Variants in CEP152 observed in about 807,000 individuals in gnomAD.
CEP152 encodes the protein centrosomal protein 152.
A neutral mutation model predicts 188.9 loss-of-function variants in CEP152; 132 were observed. The observed-to-expected ratio is 0.70, with a 90% CI of 0.61 to 0.81. The LOEUF is 0.81. Among genes scored for constraint, CEP152 ranks in the 30% least tolerant of loss-of-function variants. The pLI is 0.00. For missense variants in CEP152, 1,914 were observed against 1,969.8 expected (o/e 0.97, Z 0.54); for synonymous variants, 649 against 666.6 (o/e 0.97, Z 0.41).
chr15:48,767,241 C>G lies in CEP152; in HGVS notation c.2148-49G>C, dbSNP rs749846289. 3.1e-6 allele frequency: 5 copies of G among 1,613,768 alleles called. No individual in the cohort carries two copies. In the South Asian group the frequency reaches 5.5e-5, roughly 18 times the overall value. ...TAAATGATTTAACCACAAAAAAATACAAGAGCTGCATAACAAACAATTTTC... is the reference window on the plus strand; with the variant it reads ...TAAATGATTTAACCACAAAAAAATAGAAGAGCTGCATAACAAACAATTTTC... On this transcript the variant is annotated intron_variant, in intron 16 of 26. Transcript: ENST00000380950.
Position 48,767,078 on chromosome 15 carries a change from C to T in CEP152, c.2262G>A (p.Glu754=), listed in dbSNP as rs149176738. The change falls in exon 17 of 27, where the codon GAG becomes GAA. Residue 754 remains glutamate, a synonymous_variant. Transcript: ENST00000380950. ...ELTLRKTTEK[E]QQTQEKIKEK... ...ACTGTACCTTCTCCTGAGTCTGTTGCTCCTTTTCAGTGGTCTTCCTGAGAG... is the reference window on the plus strand; with the variant it reads ...ACTGTACCTTCTCCTGAGTCTGTTGTTCCTTTTCAGTGGTCTTCCTGAGAG... The T allele has an allele frequency of 2.3e-3, 3,788 of 1,613,152 alleles. 7 individuals are homozygous for T. The highest frequency in any genetic ancestry group is 2.7e-3 in the Non-Finnish European group (3,220 of 1,179,982).
rs1288072211 is a variant in CEP152 at position 48,756,208 on chromosome 15, T to A, written c.3040A>T (p.Thr1014Ser). Residue 1014 changes from threonine to serine, a missense_variant, in exon 20 of 27, where the codon ACA becomes TCA. Thr to Ser is a moderately conservative substitution (Grantham distance 58, BLOSUM62 1). Coordinates refer to ENST00000380950, the MANE Select transcript of CEP152 (RefSeq NM_001194998.2). ...TGGTCTAGACAAGTTTGTAATTCTG[T>A]CTCCTTCTGAAGAAGTAGTTCAGTT... ...QKTELLLQKE[T>S]ELQTCLDQSR... The A allele has an allele frequency of 3.1e-6, 5 of 1,613,518 alleles. No individual in the cohort carries two copies. The highest frequency in any genetic ancestry group is 1.3e-5 in the African/African-American group (1 of 74,920).
At chr15:48,791,471 ATGT>A (rs1252377784) in intron 7 of CEP152, 95 bp from the exon 8 acceptor site, 2 of 1,071,772 alleles carry the variant, frequency 1.9e-6, no homozygotes, top group African/African-American at 3.2e-5. Flanking sequence ...TCATATATAA[ATGT>A]TGTTGAATTA....
chr15:48,798,092 C>T, intron 2 of CEP152, 41 bp from the exon 3 acceptor site: 1 of 1,531,038 alleles, frequency 6.5e-7, no homozygotes, highest in Non-Finnish European at 9.0e-7. Context: ...CCAACTTAAA[C>T]ACAAGACACC....
Position 48,795,656 on chromosome 15 carries a change from C to T in CEP152, c.691+354G>A, listed in dbSNP as rs189635126. 1.4e-3 allele frequency among the ~76,000 whole-genome samples: 219 copies of T among 152,152 alleles called. 1 individual carries two copies. Among genetic ancestry groups the T allele is most frequent in the African/African-American group, 4.6e-3 (192 of 41,524 alleles). On this transcript the variant is annotated intron_variant, in intron 6 of 26. Coordinates refer to ENST00000380950, the MANE Select transcript of CEP152 (RefSeq NM_001194998.2). ...AAAAATGTCTTTTAACTTTTCATTA[C>T]GAAAAATTTCAAATATATAAGAAAG...
chr15:48,774,457 G>A (rs1895754160), intron 12 of CEP152, among the ~76,000 whole-genome samples: 1 of 152,162 alleles, frequency 6.6e-6, no homozygotes, highest in African/African-American at 2.4e-5. Flanking sequence ...AAAAGAGAGT[G>A]TAGGAAGACT....
rs188101277 is a variant in CEP152, at chr15:48,797,497, C to T, written c.344G>A (p.Arg115Gln). 6,405 of 1,614,096 alleles carry T rather than the reference C, an allele frequency of 4.0e-3. 22 individuals are homozygous for T. The highest frequency in any genetic ancestry group is 4.7e-3 in the Non-Finnish European group (5,521 of 1,179,962). The change falls in exon 5 of 27, where the codon CGA becomes CAA. Residue 115 changes from arginine to glutamine, a missense_variant. Arg to Gln is a conservative substitution (Grantham distance 43). Coordinates refer to ENST00000380950, the MANE Select transcript of CEP152 (RefSeq NM_001194998.2). ...TTCTTCAGGATGGTACACAGGATGT[C>T]GGTCTTCAGTTTTACTTCTATTTTC... The part of the protein sequence containing the change: ...WEENRSKTED[R>Q]HPVYHPEEGG...
At chr15:48,759,597 C>T (rs1203533119) in intron 19 of CEP152, among the ~76,000 whole-genome samples, 1 of 152,084 alleles carries the variant, frequency 6.6e-6, no homozygotes, top group Non-Finnish European at 1.5e-5. Flanking sequence ...TTTTATTTTT[C>T]CAAAAACATT....
chr15:48,757,856 G>A (rs1042571174), intron 19 of CEP152, among the ~76,000 whole-genome samples: 16 of 152,190 alleles, frequency 1.1e-4, no homozygotes, highest in Admixed American at 4.6e-4. Context: ...GAGAAAACAG[G>A]TCATGTTGCA....
rs1172372114 is a variant in CEP152 at position 48,745,638 on chromosome 15, C to T, written c.3635-646G>A. 2.0e-5 allele frequency among the ~76,000 whole-genome samples: 3 copies of T among 151,936 alleles called. No individual in the cohort carries two copies. In the East Asian group the frequency reaches 5.8e-4, roughly 29 times the overall value. ...GGGGGTGGATCTCACAAAGTACATT[C>T]TCAAGGGTGGGGAGAGTTACAAAGA... On this transcript the variant is annotated intron_variant, in intron 22 of 26. Transcript: ENST00000380950.
chr15:48,735,603 C>T (rs572922401), downstream of CEP152, among the ~76,000 whole-genome samples: 25 of 152,234 alleles, frequency 1.6e-4, no homozygotes, highest in Admixed American at 5.9e-4. Context: ...GGCATGGCGG[C>T]ACACGCCTGT....
chr15:48,743,256 C>T (rs1486675264), intron 24 of CEP152, among the ~76,000 whole-genome samples: 1 of 152,092 alleles, frequency 6.6e-6, no homozygotes, highest in Non-Finnish European at 1.5e-5. Flanking sequence ...CTGAATCTAC[C>T]AATTATATTT....
chr15:48,752,342 C>G lies in CEP152; in HGVS notation c.3466+7G>C, dbSNP rs770450065. 9.5e-5 allele frequency: 154 copies of G among 1,613,878 alleles called. No homozygotes were observed. Among genetic ancestry groups the G allele is most frequent in the Non-Finnish European group, 1.2e-4 (146 of 1,179,996 alleles). On this transcript the variant is annotated splice_region_variant and intron_variant, in intron 21 of 26. Transcript: ENST00000380950. ...TACAAAGACTGGTGGGAACAAAATC[C>G]AATTACCAGCTTCTGCTTCTGTTGC...
chr15:48,797,163 G>T, intron 5 of CEP152, 138 bp downstream of exon 5: 1 of 917,714 alleles, frequency 1.1e-6, no homozygotes, highest in Non-Finnish European at 1.7e-6. Flanking sequence ...CCATGAACCT[G>T]AATAAGTGCC....
chr15:48,763,312 C>G (rs1000265727), intron 17 of CEP152, among the ~76,000 whole-genome samples: 4 of 152,198 alleles, frequency 2.6e-5, no homozygotes, highest in Non-Finnish European at 5.9e-5. Context: ...ACCTGGGTAT[C>G]TGAAGTTCTC....
chr15:48,800,192 C>A (rs1278827198), intron 2 of CEP152, among the ~76,000 whole-genome samples: 1 of 152,130 alleles, frequency 6.6e-6, no homozygotes, highest in African/African-American at 2.4e-5. Context: ...CTTCTGGATA[C>A]ATACATAAAC....
intron 26 of CEP152, among the ~76,000 whole-genome samples, chr15:48,740,100 T>C (rs1892845505): frequency 1.3e-5 from 2 of 152,214 alleles, no homozygotes; most frequent in Admixed American, 1.3e-4. Flanking sequence ...CTCAGTGTGA[T>C]TGGGAATTTA....
intron 5 of CEP152, 120 bp from the exon 6 acceptor site, chr15:48,796,280 T>G: frequency 2.4e-6 from 2 of 842,994 alleles, no homozygotes; most frequent in Non-Finnish European, 3.8e-6. Flanking sequence ...TCAAAGTTGT[T>G]TATATATATA....
At chr15:48,805,240 C>T (rs2066890286) in intron 2 of CEP152, among the ~76,000 whole-genome samples, 1 of 152,220 alleles carries the variant, frequency 6.6e-6, no homozygotes, top group Admixed American at 6.5e-5. Flanking sequence ...CCTTGTCAGA[C>T]TTGTTCATGG....
Sources: gnomAD v4.1 joint callset for allele counts (sites outside exome capture counted in the v4.1 genomes callset) on GRCh38, gnomAD v4.1.1 for gene constraint, MANE v1.5 for transcripts, NCBI Gene and HGNC (gene_info 2026-07-23, HGNC 2026-07-21) for gene names.